The following DLGAP2 variants were observed in gnomAD, a reference collection of about 807,000 sequenced individuals.
DLGAP2 encodes DLG associated protein 2.
A neutral mutation model predicts 100.3 loss-of-function variants in DLGAP2; 26 were observed. The ratio of observed to expected loss-of-function variants is 0.26; its 90% CI spans 0.19 to 0.36. The LOEUF (loss-of-function observed/expected upper bound fraction) is 0.36. Among genes scored for constraint, DLGAP2 ranks in the 10% least tolerant of loss-of-function variants. The pLI, the probability that DLGAP2 is intolerant of heterozygous loss-of-function variation, is 1.00. For synonymous variants in DLGAP2, 886 were observed against 630.1 expected, an observed-to-expected ratio of 1.41 and a Z score of -6.08; for missense variants, 1,858 against 1,453.2, an observed-to-expected ratio of 1.28 and a Z score of -4.53.
chr8:1,012,968 G>A (rs940552613), intron 2 of DLGAP2, among the ~76,000 whole-genome samples: 4 of 152,126 alleles, frequency 2.6e-5, no homozygotes, highest in Non-Finnish European at 5.9e-5. Flanking sequence ...CCCTGCCAGT[G>A]TGGCTTCAGT....
chr8:1,243,929 T>G (rs951253867), intron 2 of DLGAP2, among the ~76,000 whole-genome samples: 8 of 152,238 alleles, frequency 5.3e-5, no homozygotes, highest in African/African-American at 1.9e-4. Flanking sequence ...ATCAAGTCCC[T>G]GCTGTGTGTC....
intron 2 of DLGAP2, among the ~76,000 whole-genome samples, chr8:1,217,160 C>G (rs988258805): frequency 2.4e-4 from 36 of 152,260 alleles, no homozygotes; most frequent in African/African-American, 7.9e-4. Flanking sequence ...CCTCTTTGTG[C>G]TCATGAATTC....
At chr8:1,426,146 C>G (rs1166463520) in intron 3 of DLGAP2, among the ~76,000 whole-genome samples, 7 of 152,150 alleles carry the variant, frequency 4.6e-5, no homozygotes, top group South Asian at 2.1e-4. Flanking sequence ...AGAAACTCAC[C>G]TCAAGGCCAC....
intron 6 of DLGAP2, among the ~76,000 whole-genome samples, chr8:1,574,912 T>G (rs138138717): frequency 6.6e-6 from 1 of 152,336 alleles, no homozygotes; most frequent in East Asian, 1.9e-4. Context: ...TTGAAGATGT[T>G]TCTTCGCCTA....
chr8:1,311,346 A>G (rs1206797692), intron 3 of DLGAP2, among the ~76,000 whole-genome samples: 1 of 152,252 alleles, frequency 6.6e-6, no homozygotes, highest in African/African-American at 2.4e-5. Flanking sequence ...AATTCCACCA[A>G]ACAGGTAAAG....
At chr8:989,087 G>T (rs1800574104) in intron 2 of DLGAP2, among the ~76,000 whole-genome samples, 1 of 152,200 alleles carries the variant, frequency 6.6e-6, no homozygotes, top group African/African-American at 2.4e-5. Flanking sequence ...ATCCCGTCTA[G>T]TCAGCCTCCA....
At chr8:1,536,574 G>T (rs1373995896) in intron 4 of DLGAP2, among the ~76,000 whole-genome samples, 1 of 152,108 alleles carries the variant, frequency 6.6e-6, no homozygotes, top group East Asian at 1.9e-4. Flanking sequence ...GTGCTTCTGC[G>T]AAAGTGTAGT....
chr8:1,189,958 A>G (rs944418015), intron 2 of DLGAP2, among the ~76,000 whole-genome samples: 2 of 152,156 alleles, frequency 1.3e-5, no homozygotes, highest in African/African-American at 4.8e-5. Context: ...AGTAGGGTGA[A>G]TGAGATTGCA....
chr8:1,392,243 T>G (rs1796378777), intron 3 of DLGAP2, among the ~76,000 whole-genome samples: 1 of 152,094 alleles, frequency 6.6e-6, no homozygotes, highest in Non-Finnish European at 1.5e-5. Context: ...GACGTGAGGA[T>G]GAGTCATTCC....
chr8:1,304,623 A>C (rs776320273), intron 3 of DLGAP2, among the ~76,000 whole-genome samples: 4 of 152,218 alleles, frequency 2.6e-5, no homozygotes, highest in Admixed American at 1.3e-4. Flanking sequence ...AATAATAATT[A>C]AATTTATATG....
chr8:958,380 C>G lies in DLGAP2; in HGVS notation c.73+50414C>G, dbSNP rs899556915. Among the ~76,000 whole-genome samples the G allele has an allele frequency of 3.0e-4, 46 of 152,154 alleles. 1 individual carries two copies. Among genetic ancestry groups the G allele is most frequent in the African/African-American group, 1.1e-3 (45 of 41,498 alleles). On this transcript the variant is annotated intron_variant, in intron 2 of 14. Transcript: ENST00000637795. Reference sequence around the variant, plus strand: ...CTGGGGCATGAGTATGCGTGCAGGTCCCAGTCTTCCCCTCCGTTGCTCATC... The same window carrying G: ...CTGGGGCATGAGTATGCGTGCAGGTGCCAGTCTTCCCCTCCGTTGCTCATC...
At chr8:1,176,600 A>C (rs1030311335) in intron 2 of DLGAP2, among the ~76,000 whole-genome samples, 1 of 22,484 alleles carries the variant, frequency 4.4e-5, no homozygotes, top group Non-Finnish European at 9.5e-5. Flanking sequence ...CCAGTGCACG[A>C]CAGGGGTCGT....
intron 3 of DLGAP2, among the ~76,000 whole-genome samples, chr8:1,298,847 C>T (rs112317364): frequency 0.013 from 2,031 of 152,238 alleles, 50 homozygotes; most frequent in African/African-American, 0.046. Flanking sequence ...GCTGGTAATT[C>T]GAATGTCCCA....
chr8:1,380,296 G>C (rs904393476), intron 3 of DLGAP2: 7 of 152,166 alleles, frequency 4.6e-5, no homozygotes, highest in African/African-American at 1.7e-4. Context: ...GCACCGACGG[G>C]AGCTCAGGCT....
intron 2 of DLGAP2, among the ~76,000 whole-genome samples, chr8:1,043,686 T>C (rs1802438100): frequency 6.6e-6 from 1 of 151,924 alleles, no homozygotes; most frequent in Non-Finnish European, 1.5e-5. Flanking sequence ...GTCATGTGGA[T>C]TTGGACCAGG....
intron 4 of DLGAP2, among the ~76,000 whole-genome samples, chr8:1,519,138 G>C (rs143753990): frequency 8.0e-4 from 122 of 152,322 alleles, no homozygotes; most frequent in African/African-American, 2.8e-3. Context: ...TAAGGTGTCA[G>C]AAGGGAAGAA....
chr8:994,870 A>G (rs1392719534), intron 2 of DLGAP2, among the ~76,000 whole-genome samples: 3 of 152,168 alleles, frequency 2.0e-5, no homozygotes, highest in Non-Finnish European at 4.4e-5. Flanking sequence ...GGTATTTTAC[A>G]CTTGAGTGCA....
rs577465873 is a variant in DLGAP2 at position 912,224 on chromosome 8, C to T, written c.73+4258C>T. Among the ~76,000 whole-genome samples, 21 of 152,142 alleles carry T rather than the reference C, an allele frequency of 1.4e-4. No homozygotes were observed. The South Asian group carries it at 3.7e-3, about 27-fold the overall frequency. ...TGAAACCTCAAACAGATCAAGCATG[C>T]GGGAGTACTATGTTTGGTTTTTGAG... is the stretch of plus-strand genomic sequence containing the variant. On this transcript the variant is annotated intron_variant, in intron 2 of 14. Transcript: ENST00000637795.
chr8:835,037 C>T (rs892732187), intron 1 of DLGAP2, among the ~76,000 whole-genome samples: 5 of 152,148 alleles, frequency 3.3e-5, no homozygotes, highest in Non-Finnish European at 5.9e-5. Flanking sequence ...ATGCAGGTTA[C>T]TGCTCACATG....
Sources: gnomAD v4.1 joint callset for allele counts (sites outside exome capture counted in the v4.1 genomes callset) on GRCh38, gnomAD v4.1.1 for gene constraint, MANE v1.5 for transcripts, NCBI Gene and HGNC (gene_info 2026-07-23, HGNC 2026-07-21) for gene names.